The following MTSS1 variants were observed in gnomAD, a reference collection of about 807,000 sequenced individuals.
MTSS1 encodes the protein MTSS I-BAR domain containing 1.
MTSS1 carries 18 observed loss-of-function variants against 79.0 expected under a neutral mutation model. That is an observed-to-expected ratio of 0.23 (90% CI 0.16 to 0.34). The LOEUF is 0.34. MTSS1 is among the 10% of genes least tolerant of loss of function. MTSS1 has a pLI of 1.00. For missense variants in MTSS1, 815 were observed against 986.2 expected (o/e 0.83, Z 2.33); for synonymous variants, 341 against 368.6 (o/e 0.93, Z 0.86).
rs1425924269 is a variant in MTSS1, at chr8:124,551,228, C to CAT, written c.*1762_*1763dup. 1 of 152,670 alleles carries CAT rather than the reference C, an allele frequency of 6.6e-6. No homozygotes were observed. Among genetic ancestry groups the CAT allele is most frequent in the African/African-American group, 2.4e-5 (1 of 41,458 alleles). 9.5% of individuals were successfully genotyped at this position (152,670 alleles called of 1,614,324 possible). ...CTTTTGCAAAAACCATCTCAAGCAT[C>CAT]ATATGCACAATGCATCAGCTACTTT... is the stretch of plus-strand genomic sequence containing the variant. On this transcript the variant is annotated 3_prime_UTR_variant, in exon 14 of 14. Transcript: ENST00000518547.
chr8:124,674,462 C>T (rs1319018073), intron 3 of MTSS1, among the ~76,000 whole-genome samples: 1 of 152,204 alleles, frequency 6.6e-6, no homozygotes, highest in Non-Finnish European at 1.5e-5. Context: ...TCTCCTGTCT[C>T]AGCCTCCCAA....
At chr8:124,631,484 G>A (rs746828643) in intron 3 of MTSS1, among the ~76,000 whole-genome samples, 1 of 152,206 alleles carries the variant, frequency 6.6e-6, no homozygotes. Context: ...TGCCTCCTCA[G>A]AACTCTCCTT....
At chr8:124,643,141 T>C (rs1271690404) in intron 3 of MTSS1, among the ~76,000 whole-genome samples, 2 of 152,174 alleles carry the variant, frequency 1.3e-5, no homozygotes, top group East Asian at 3.8e-4. Flanking sequence ...TTAATAAGAC[T>C]TCCAAAGAAG....
intron 7 of MTSS1, among the ~76,000 whole-genome samples, chr8:124,567,393 T>A (rs745849049): frequency 6.6e-6 from 1 of 152,346 alleles, no homozygotes; most frequent in African/African-American, 2.4e-5. Context: ...GAGTGACCTG[T>A]GCACAGGGGA....
At position 124,727,635 on chromosome 8, in the gene MTSS1, G is replaced by T. The variant is rs1321077168; in HGVS notation, c.72+249C>A. 1.5e-6 allele frequency: 1 copy of T among 648,096 alleles called. No individual in the cohort carries two copies. The allele number at this position is 648,096 out of a possible 1,614,324, so 40.1% of individuals were successfully genotyped here. A position where few individuals can be genotyped will look rare whatever the true frequency, so the allele number is the denominator to read the frequency against. ...AGGGAAAGAAATGGTGCCGCCCCCT[G>T]GGACAATGAGCGGGGGAGATGGCGT... is the stretch of plus-strand genomic sequence containing the variant. On this transcript the variant is annotated intron_variant, in intron 1 of 13. Transcript: ENST00000518547. This position sits in a 1 kb window ranked among gnomAD's most constrained non-coding sequence, Gnocchi z 4.7.
rs368960024 is a variant in MTSS1, at chr8:124,704,130, C to T, written c.134G>A (p.Arg45Gln). Reference sequence around the variant, plus strand: ...CTGTAGAACATGTGCTTCTACTTACCGAAGCTGGGACTGCAGCTTTCCTGC... The same window carrying T: ...CTGTAGAACATGTGCTTCTACTTACTGAAGCTGGGACTGCAGCTTTCCTGC... ...NKAGKLQSQL[R>Q]TTVVAAAAFL... The change falls in exon 2 of 14, where the codon CGG (arginine) becomes CAG (glutamine). Residue 45 changes from arginine (R) to glutamine (Q), a missense_variant and splice_region_variant. Transcript: ENST00000518547. The T allele has an allele frequency of 6.2e-7, 1 of 1,613,652 alleles. No homozygotes were observed. The highest frequency in any genetic ancestry group is 8.5e-7 in the Non-Finnish European group (1 of 1,179,702).
At chr8:124,705,789 G>A (rs1458132379) in intron 1 of MTSS1, among the ~76,000 whole-genome samples, 2 of 152,162 alleles carry the variant, frequency 1.3e-5, no homozygotes, top group Non-Finnish European at 2.9e-5. Flanking sequence ...TCAACACTAT[G>A]GACATTTGAG....
chr8:124,685,911 G>A (rs1380333708), intron 3 of MTSS1, among the ~76,000 whole-genome samples: 5 of 152,166 alleles, frequency 3.3e-5, no homozygotes, highest in South Asian at 2.1e-4. Context: ...GGGTGAAGGC[G>A]GAACGCAAGT....
intron 10 of MTSS1, chr8:124,558,584 C>T: frequency 3.9e-6 from 5 of 1,297,906 alleles, no homozygotes; most frequent in Non-Finnish European, 5.1e-6. Context: ...ACCCTCTGTC[C>T]CCAAGAGGAG....
At chr8:124,639,630 T>G (rs1817658003) in intron 3 of MTSS1, among the ~76,000 whole-genome samples, 1 of 151,934 alleles carries the variant, frequency 6.6e-6, no homozygotes, top group Admixed American at 6.6e-5. Context: ...GCCCAGCTAA[T>G]TTTTTGTATT....
intron 3 of MTSS1, among the ~76,000 whole-genome samples, chr8:124,618,816 A>G (rs980572880): frequency 1.3e-5 from 2 of 152,266 alleles, no homozygotes; most frequent in African/African-American, 4.8e-5. Flanking sequence ...TACAAAAAGC[A>G]GGTTCCAAGG....
intron 3 of MTSS1, among the ~76,000 whole-genome samples, chr8:124,619,934 TTTC>T (rs1288490744): frequency 7.2e-6 from 1 of 139,850 alleles, no homozygotes; most frequent in African/African-American, 2.7e-5. Flanking sequence ...CACAACTGTT[TTTC>T]TTTTCTTTTC....
At chr8:124,602,207 A>ATACACACACATATATATATAT in intron 3 of MTSS1, among the ~76,000 whole-genome samples, 1 of 142,216 alleles carries the variant, frequency 7.0e-6, no homozygotes, top group Admixed American at 6.9e-5. Context: ...ATATATATAT[A>ATACACACACATATATATATAT]ATTTTTTTTT....
chr8:124,717,425 G>A (rs1832220492), intron 1 of MTSS1, among the ~76,000 whole-genome samples: 1 of 152,156 alleles, frequency 6.6e-6, no homozygotes. Flanking sequence ...GAACCTGGGA[G>A]GCAGAGGTGG....
Position 124,558,923 on chromosome 8 carries a change from G to T in MTSS1, c.1036-1048C>A, listed in dbSNP as rs1057445928. 4.9e-6 allele frequency: 7 copies of T among 1,435,702 alleles called. No homozygotes were observed. In the African/African-American group the frequency reaches 1.0e-4, roughly 20 times the overall value. 88.9% of individuals were successfully genotyped at this position (1,435,702 alleles called of 1,614,324 possible). ...ATAAATAAAAAAAGGAATGGGGATG[G>T]GAGTGGGGAAGGGCACACACAGAGA... On this transcript the variant is annotated intron_variant, in intron 10 of 13. Coordinates refer to ENST00000518547, the MANE Select transcript of MTSS1 (RefSeq NM_014751.6).
chr8:124,619,996 G>A (rs1813181740), intron 3 of MTSS1, among the ~76,000 whole-genome samples: 2 of 145,192 alleles, frequency 1.4e-5, no homozygotes, highest in South Asian at 2.1e-4. Context: ...TTCTTGGCCG[G>A]GCTGGAGTGC....
At chr8:124,718,200 G>T (rs903009054) in intron 1 of MTSS1, among the ~76,000 whole-genome samples, 23 of 151,466 alleles carry the variant, frequency 1.5e-4, no homozygotes, top group African/African-American at 5.3e-4. Context: ...TTAACTTTAC[G>T]TTACTTACAT....
intron 1 of MTSS1, among the ~76,000 whole-genome samples, chr8:124,720,369 C>T (rs547988618): frequency 6.6e-6 from 1 of 152,332 alleles, no homozygotes; most frequent in East Asian, 1.9e-4. Context: ...TGGGAAGCTG[C>T]TGCCACAGGG....
At chr8:124,651,145 C>A (rs765683453) in intron 3 of MTSS1, among the ~76,000 whole-genome samples, 2 of 152,182 alleles carry the variant, frequency 1.3e-5, no homozygotes, top group East Asian at 3.8e-4. Context: ...TGTGTACTGT[C>A]GTTCTTTAAA....
Sources: allele counts gnomAD v4.1 joint callset (sites outside exome capture counted in the v4.1 genomes callset), GRCh38; gene constraint gnomAD v4.1.1; non-coding constraint Gnocchi (gnomAD v3.1); transcripts MANE v1.5; gene names NCBI Gene and HGNC (gene_info 2026-07-23, HGNC 2026-07-21).